The following ZNF462 variants were observed in gnomAD, a reference collection of about 807,000 sequenced individuals.
ZNF462 encodes zinc finger protein 462, also known as zinc finger PBX1-interacting protein.
ZNF462 carries 10 observed loss-of-function variants against 201.9 expected under a neutral mutation model. The observed-to-expected ratio is 0.05, with a 90% CI of 0.03 to 0.08. The LOEUF (loss-of-function observed/expected upper bound fraction) is 0.08, where lower values mean the gene tolerates loss of function less well. Ranked by LOEUF, ZNF462 falls within the 10% of genes least tolerant of loss-of-function variation. The pLI, the probability that ZNF462 is intolerant of heterozygous loss-of-function variation, is 1.00. For missense variants in ZNF462, 2,523 were observed against 3,168.3 expected, an observed-to-expected ratio of 0.80 and a Z score of 4.89; for synonymous variants, 1,227 against 1,193.3, an observed-to-expected ratio of 1.03 and a Z score of -0.58.
Position 106,954,657 on chromosome 9 carries a change from T to C in ZNF462, c.6427+15550T>C, listed in dbSNP as rs1250044274. Among the ~76,000 whole-genome samples the C allele has an allele frequency of 6.6e-6, 1 of 152,292 alleles. No individual in the cohort carries two copies. The highest frequency in any genetic ancestry group is 2.4e-5 in the African/African-American group (1 of 41,558). ...TCCTTTTGCCTTTGTTCATGTTATGTCCCCTTTCCTTCATCTCCACATGCC... is the reference window on the plus strand; with the variant it reads ...TCCTTTTGCCTTTGTTCATGTTATGCCCCCTTTCCTTCATCTCCACATGCC... On this transcript the variant is annotated intron_variant, in intron 7 of 12. Coordinates refer to ENST00000277225, the MANE Select transcript of ZNF462 (RefSeq NM_021224.6). The surrounding 1 kb of genome is among the most constrained non-coding windows in gnomAD (Gnocchi z 4.0).
rs1826655437 is a variant in ZNF462 at position 106,972,182 on chromosome 9, A to G, written c.6605A>G (p.Tyr2202Cys). The change falls in exon 8 of 13, where the codon TAC becomes TGC. Residue 2202 changes from tyrosine (Y) to cysteine (C), a missense_variant. By Grantham distance (194) the Tyr-to-Cys change is radical. Around this residue, in one of 15 missense-constraint regions of ZNF462, gnomAD observed 228 missense variants for 361.2 expected, o/e 0.63. Coordinates refer to ENST00000277225, the MANE Select transcript of ZNF462 (RefSeq NM_021224.6). This position sits in a 1 kb window ranked among gnomAD's most constrained non-coding sequence, Gnocchi z 4.8. The part of the protein sequence containing the change: ...HCEFCEFSSG[Y>C]IQSIRRHYRD... ...GAATTCTGTGAATTCTCCTCCGGCTACATCCAGAGCATCAGGCGTCATTAC... is the reference window on the plus strand; with the variant it reads ...GAATTCTGTGAATTCTCCTCCGGCTGCATCCAGAGCATCAGGCGTCATTAC... 1 of 1,614,152 alleles carries G rather than the reference A, an allele frequency of 6.2e-7. No individual in the cohort carries two copies. Among genetic ancestry groups the G allele is most frequent in the Non-Finnish European group, 8.5e-7 (1 of 1,180,050 alleles).
chr9:107,011,019 A>G lies in ZNF462; in HGVS notation c.7510A>G (p.Lys2504Glu). Residue 2504 changes from lysine to glutamate, a missense_variant, in exon 13 of 13, where the codon AAA becomes GAA. Physicochemically the swap from Lys to Glu is moderately conservative, Grantham distance 56 (BLOSUM62 1). This residue lies in a region of ZNF462 where 67 missense variants were observed against 63.2 expected (regional missense o/e 1.06). Coordinates refer to ENST00000277225, the MANE Select transcript of ZNF462 (RefSeq NM_021224.6). The surrounding 1 kb of genome is among the most constrained non-coding windows in gnomAD (Gnocchi z 5.6). Reference sequence around the variant, plus strand: ...ATCTCTCCTGGAGAATGCAGAGGCCAAAAAAGAATGAGCGTTTGGTGAAAT... The same window carrying G: ...ATCTCTCCTGGAGAATGCAGAGGCCGAAAAAGAATGAGCGTTTGGTGAAAT... ...DKSLLENAEA[K>E]KE 6.2e-7 allele frequency: 1 copy of G among 1,612,492 alleles called. No individual in the cohort carries two copies. The highest frequency in any genetic ancestry group is 8.5e-7 in the Non-Finnish European group (1 of 1,179,340).
chr9:106,960,771 A>G (rs1364885016), intron 7 of ZNF462, among the ~76,000 whole-genome samples: 1 of 152,102 alleles, frequency 6.6e-6, no homozygotes, highest in Non-Finnish European at 1.5e-5. Context: ...TTTAATGAAG[A>G]AGGAATAGCT....
chr9:106,894,588 T>G (rs1828731989), intron 1 of ZNF462, among the ~76,000 whole-genome samples: 1 of 152,162 alleles, frequency 6.6e-6, no homozygotes, highest in Admixed American at 6.5e-5. Context: ...TACCTCAAGG[T>G]GAGTACCAAT....
intron 9 of ZNF462, among the ~76,000 whole-genome samples, chr9:106,980,525 G>A (rs1164774247): frequency 6.6e-6 from 1 of 152,178 alleles, no homozygotes; most frequent in East Asian, 1.9e-4. Flanking sequence ...AATTTGAGCA[G>A]AAGTGAACCC....
chr9:106,983,228 G>A (rs1478638414), intron 9 of ZNF462, among the ~76,000 whole-genome samples: 4 of 152,154 alleles, frequency 2.6e-5, no homozygotes, highest in African/African-American at 9.6e-5. Flanking sequence ...ACAAGCACAC[G>A]CATTTCCAGC....
chr9:106,871,489 T>TGTC (rs1464650639), intron 1 of ZNF462, among the ~76,000 whole-genome samples: 4 of 152,220 alleles, frequency 2.6e-5, no homozygotes, highest in African/African-American at 9.6e-5. Flanking sequence ...TGAAGAAGTC[T>TGTC]GTCCACTGGG....
Position 106,923,507 on chromosome 9 carries a change from A to T in ZNF462, c.124A>T (p.Asn42Tyr), listed in dbSNP as rs755731804. ...AACTGATGTTGCTGAGGACAATGTG[A>T]ATGAGCTACGATGTGGGTCCGTGAA... The part of the protein sequence containing the change: ...QPTDVAEDNV[N>Y]ELRCGSVNAS... The change falls in exon 2 of 13, where the codon AAT (asparagine) becomes TAT (tyrosine). Residue 42 changes from asparagine (N) to tyrosine (Y), a missense_variant. Physicochemically the swap from Asn to Tyr is moderately radical, Grantham distance 143. Transcript: ENST00000277225. This position sits in a 1 kb window ranked among gnomAD's most constrained non-coding sequence, Gnocchi z 5.6. 6.2e-7 allele frequency: 1 copy of T among 1,614,092 alleles called. No homozygotes were observed.
intron 1 of ZNF462, among the ~76,000 whole-genome samples, chr9:106,869,518 T>G (rs1245591156): frequency 6.6e-6 from 1 of 152,222 alleles, no homozygotes; most frequent in Admixed American, 6.5e-5. Context: ...TTTGGAAGTT[T>G]CCACATTTTC....
chr9:106,972,006 C>T lies in ZNF462; in HGVS notation c.6429C>T (p.Asp2143=), dbSNP rs375407334. 1.2e-6 allele frequency: 2 copies of T among 1,612,884 alleles called. No homozygotes were observed. Among genetic ancestry groups the T allele is most frequent in the South Asian group, 1.1e-5 (1 of 90,962 alleles). The stretch of plus-strand genomic sequence containing the variant: ...GTCATTTTTCCCGTCTCTTCACAGA[C>T]TCATCATATTCAGAGCCCCCAGATG... The part of the protein sequence containing the change: ...TPAEEVEDSN[D]SSYSEPPDVQ... Residue 2143 remains aspartate, a splice_region_variant and synonymous_variant, in exon 8 of 13, where the codon GAC becomes GAT. Transcript: ENST00000277225. The surrounding 1 kb of genome is among the most constrained non-coding windows in gnomAD (Gnocchi z 4.8).
chr9:107,007,348 C>G (rs1829620114), intron 11 of ZNF462, among the ~76,000 whole-genome samples: 1 of 152,090 alleles, frequency 6.6e-6, no homozygotes, highest in Non-Finnish European at 1.5e-5. Flanking sequence ...CTTGGCAGCC[C>G]CCTTTTACTT....
At position 106,929,368 on chromosome 9, in the gene ZNF462, C is replaced by T. The variant is rs779356446; in HGVS notation, c.5456C>T (p.Thr1819Ile). The T allele has an allele frequency of 3.8e-5, 61 of 1,613,986 alleles. No individual in the cohort carries two copies. Among genetic ancestry groups the T allele is most frequent in the Admixed American group, 6.7e-5 (4 of 60,004 alleles). ...AVYADEHEKP[T>I]LMEEEERGNF... The stretch of plus-strand genomic sequence containing the variant: ...TATGCAGATGAGCATGAGAAGCCCA[C>T]ACTGATGGAAGAAGAGGAGAGAGGC... The change falls in exon 3 of 13, where the codon ACA (threonine) becomes ATA (isoleucine). Residue 1819 changes from threonine (T) to isoleucine (I), a missense_variant. This residue lies in a region of ZNF462 where 207 missense variants were observed against 231.6 expected (regional missense o/e 0.89). Coordinates refer to ENST00000277225, the MANE Select transcript of ZNF462 (RefSeq NM_021224.6). This position sits in a 1 kb window ranked among gnomAD's most constrained non-coding sequence, Gnocchi z 8.7.
chr9:106,953,151 T>A (rs1831426980), intron 7 of ZNF462, among the ~76,000 whole-genome samples: 1 of 152,216 alleles, frequency 6.6e-6, no homozygotes, highest in Non-Finnish European at 1.5e-5. Context: ...AACTTCTACT[T>A]TCTCACCACT....
intron 1 of ZNF462, among the ~76,000 whole-genome samples, chr9:106,891,780 C>A (rs900854705): frequency 6.6e-6 from 1 of 152,090 alleles, no homozygotes; most frequent in African/African-American, 2.4e-5. Flanking sequence ...TTTGTTCCCC[C>A]CTCTGGATGG....
intron 7 of ZNF462, among the ~76,000 whole-genome samples, chr9:106,964,042 T>TGTGTGTGTGTG (rs764219816): frequency 6.7e-6 from 1 of 149,956 alleles, no homozygotes; most frequent in Admixed American, 6.7e-5. Flanking sequence ...TGTGTGTGTG[T>TGTGTGTGTGTG]TATACACCAC....
chr9:106,986,998 T>C (rs1827891141), intron 10 of ZNF462, among the ~76,000 whole-genome samples: 1 of 146,144 alleles, frequency 6.8e-6, no homozygotes, highest in South Asian at 2.1e-4. Flanking sequence ...GATAGATAGA[T>C]AGATAGATAG....
intron 10 of ZNF462, among the ~76,000 whole-genome samples, chr9:106,986,045 A>T (rs1029676292): frequency 2.0e-5 from 3 of 152,186 alleles, no homozygotes; most frequent in Non-Finnish European, 2.9e-5. Context: ...CATGTATCTT[A>T]TTTACGTAAC....
At chr9:106,861,203 C>T (rs1587956472), upstream of ZNF462, among the ~76,000 whole-genome samples, 1 of 152,004 alleles carries the variant, frequency 6.6e-6, no homozygotes, top group East Asian at 1.9e-4. Flanking sequence ...TGAAATCGTG[C>T]CTCGGGGTGA....
upstream of ZNF462, among the ~76,000 whole-genome samples, chr9:106,861,577 TG>T (rs1827067815): frequency 2.6e-5 from 4 of 152,384 alleles, no homozygotes; most frequent in South Asian, 8.3e-4. Context: ...AGGCTGTTGA[TG>T]TCCAACTCCA....
Sources: allele counts gnomAD v4.1 joint callset (sites outside exome capture counted in the v4.1 genomes callset), GRCh38; gene constraint gnomAD v4.1.1; regional missense constraint gnomAD v4.1.1; non-coding constraint Gnocchi (gnomAD v3.1); transcripts MANE v1.5; gene names NCBI Gene and HGNC (gene_info 2026-07-23, HGNC 2026-07-21).